Variants in SH3RF3 observed in about 807,000 individuals in gnomAD.
SH3RF3 encodes SH3 domain containing ring finger 3, also known as E3 ubiquitin-protein ligase SH3RF3.
SH3RF3 carries 29 observed loss-of-function variants against 66.3 expected under a neutral mutation model. The observed-to-expected ratio is 0.44, with a 90% CI of 0.33 to 0.60. The LOEUF (loss-of-function observed/expected upper bound fraction) is 0.60, where lower values mean the gene tolerates loss of function less well. Among genes scored for constraint, SH3RF3 ranks in the 20% least tolerant of loss-of-function variants. SH3RF3 has a pLI of 0.04. For synonymous variants in SH3RF3, 583 were observed against 532.0 expected (o/e 1.10, Z -1.32); for missense variants, 1,194 against 1,190.9 (o/e 1.00, Z -0.04).
intron 1 of SH3RF3, among the ~76,000 whole-genome samples, chr2:109,317,873 C>T (rs552873290): frequency 1.3e-5 from 2 of 150,462 alleles, no homozygotes; most frequent in African/African-American, 4.8e-5. Flanking sequence ...AACTGGAGTC[C>T]CAGCCAAGAG....
intron 1 of SH3RF3, among the ~76,000 whole-genome samples, chr2:109,233,679 A>G (rs1044506388): frequency 1.3e-5 from 2 of 152,224 alleles, no homozygotes; most frequent in Admixed American, 6.5e-5. Context: ...ACCACACTCA[A>G]GATGCAGAGC....
At chr2:109,150,871 A>T (rs1677211345) in intron 1 of SH3RF3, among the ~76,000 whole-genome samples, 1 of 152,250 alleles carries the variant, frequency 6.6e-6, no homozygotes, top group African/African-American at 2.4e-5. Context: ...GTGAAAAAAA[A>T]TATGGGCATA....
chr2:109,404,991 T>C (rs1476693554), intron 4 of SH3RF3, among the ~76,000 whole-genome samples: 2 of 148,724 alleles, frequency 1.3e-5, no homozygotes, highest in African/African-American at 5.0e-5. Context: ...TTCTAACCCC[T>C]ATGTCTACAC....
intron 2 of SH3RF3, among the ~76,000 whole-genome samples, chr2:109,370,084 A>C (rs893954620): frequency 6.6e-6 from 1 of 152,148 alleles, no homozygotes; most frequent in African/African-American, 2.4e-5. Context: ...GGGGCGTTCC[A>C]TGATGCACCT....
intron 1 of SH3RF3, among the ~76,000 whole-genome samples, chr2:109,237,156 G>C (rs1282906581): frequency 2.0e-5 from 3 of 152,150 alleles, no homozygotes; most frequent in Admixed American, 2.0e-4. Flanking sequence ...ATTTTAAAGA[G>C]TTAATATTTG....
intron 5 of SH3RF3, among the ~76,000 whole-genome samples, chr2:109,429,924 CA>C (rs200297413): frequency 0.031 from 4,771 of 152,282 alleles, 126 homozygotes; most frequent in Middle Eastern, 0.096. Flanking sequence ...CAGCCCCAGT[CA>C]GCGGGTGTAG....
At chr2:109,343,271 C>T (rs554676040) in intron 1 of SH3RF3, among the ~76,000 whole-genome samples, 5 of 152,294 alleles carry the variant, frequency 3.3e-5, no homozygotes, top group South Asian at 2.1e-4. Flanking sequence ...CTGGAGGTGC[C>T]GGGTGTCACC....
intron 3 of SH3RF3, among the ~76,000 whole-genome samples, chr2:109,387,325 C>T (rs572553192): frequency 6.6e-6 from 1 of 152,206 alleles, no homozygotes; most frequent in Non-Finnish European, 1.5e-5. Context: ...TGTCCCTGTG[C>T]TGCTGTAGAG....
chr2:109,233,229 A>G (rs1246472092), intron 1 of SH3RF3, among the ~76,000 whole-genome samples: 3 of 152,080 alleles, frequency 2.0e-5, no homozygotes, highest in Non-Finnish European at 4.4e-5. Flanking sequence ...CTTGTCCAGC[A>G]CCCTGGAAGA....
chr2:109,238,239 T>G (rs1375470248), intron 1 of SH3RF3, among the ~76,000 whole-genome samples: 1 of 151,852 alleles, frequency 6.6e-6, no homozygotes, highest in Non-Finnish European at 1.5e-5. Flanking sequence ...TTATGAAGAC[T>G]AATTCAATAG....
intron 1 of SH3RF3, among the ~76,000 whole-genome samples, chr2:109,278,996 A>G (rs1017692755): frequency 2.6e-5 from 4 of 152,126 alleles, no homozygotes; most frequent in Admixed American, 6.5e-5. Flanking sequence ...CCTCATTCCA[A>G]AGTTGGTGTG....
intron 1 of SH3RF3, among the ~76,000 whole-genome samples, chr2:109,337,519 C>T (rs12104977): frequency 0.022 from 3,311 of 152,312 alleles, 55 homozygotes; most frequent in East Asian, 0.062. Flanking sequence ...GAGGCACCCC[C>T]GGTCACAGGA....
At chr2:109,416,269 G>A (rs1296194977) in intron 4 of SH3RF3, among the ~76,000 whole-genome samples, 1 of 152,022 alleles carries the variant, frequency 6.6e-6, no homozygotes, top group Non-Finnish European at 1.5e-5. Context: ...GCCTGTGCAC[G>A]CTGAACTTCC....
intron 2 of SH3RF3, among the ~76,000 whole-genome samples, chr2:109,359,509 A>G (rs1450059506): frequency 6.6e-6 from 1 of 152,218 alleles, no homozygotes; most frequent in Non-Finnish European, 1.5e-5. Context: ...ATACTTAAGT[A>G]TTTCATTTGT....
chr2:109,155,425 C>CCCGA (rs1677321507), intron 1 of SH3RF3, among the ~76,000 whole-genome samples: 1 of 152,178 alleles, frequency 6.6e-6, no homozygotes, highest in Admixed American at 6.5e-5. Context: ...GCCTCGGCCT[C>CCCGA]CCGAGTAGCT....
chr2:109,250,177 A>G (rs1680052196), intron 1 of SH3RF3, among the ~76,000 whole-genome samples: 1 of 148,686 alleles, frequency 6.7e-6, no homozygotes, highest in African/African-American at 2.5e-5. Context: ...CTCCACTCCT[A>G]GGAATGTTCC....
chr2:109,378,963 C>G (rs867961061), intron 3 of SH3RF3, among the ~76,000 whole-genome samples: 3 of 152,336 alleles, frequency 2.0e-5, no homozygotes, highest in Middle Eastern at 3.4e-3. Context: ...CAGCTCCCTC[C>G]TCTCCAGAAC....
chr2:109,211,499 G>A (rs1425466747), intron 1 of SH3RF3, among the ~76,000 whole-genome samples: 7 of 152,164 alleles, frequency 4.6e-5, no homozygotes, highest in African/African-American at 1.4e-4. Context: ...GGTGGAGGGG[G>A]AGCCCAGTCT....
chr2:109,147,222 C>T (rs1677120596), intron 1 of SH3RF3, among the ~76,000 whole-genome samples: 1 of 152,136 alleles, frequency 6.6e-6, no homozygotes, highest in Non-Finnish European at 1.5e-5. Context: ...CTTGGAATTA[C>T]AGCTGTCCGC....
Sources: allele counts gnomAD v4.1 joint callset (sites outside exome capture counted in the v4.1 genomes callset), GRCh38; gene constraint gnomAD v4.1.1; transcripts MANE v1.5; gene names NCBI Gene and HGNC (gene_info 2026-07-23, HGNC 2026-07-21).